The following PCDHGA3 variants were observed in gnomAD, a reference collection of about 807,000 sequenced individuals.
PCDHGA3 encodes the protein protocadherin gamma subfamily A, 3.
In PCDHGA3, 40 loss-of-function variants were observed where a neutral mutation model predicts 58.5. The ratio of observed to expected loss-of-function variants is 0.68; its 90% CI spans 0.53 to 0.89. PCDHGA3 has a LOEUF of 0.89. PCDHGA3 is among the 40% of genes least tolerant of loss of function. PCDHGA3 has a pLI of 0.00. For synonymous variants in PCDHGA3, 530 were observed against 525.7 expected (o/e 1.01, Z -0.11); for missense variants, 1,223 against 1,195.9 (o/e 1.02, Z -0.33).
At position 141,345,009 on chromosome 5, in the gene PCDHGA3, GGTCTT is replaced by G. The variant is rs765126062; in HGVS notation, c.977_981del (p.Gly326AlafsTer15). On this transcript the variant is annotated frameshift_variant, in exon 1 of 4. Transcript: ENST00000253812. LOFTEE classifies it high-confidence loss of function. ...TAAAATTGAAGCACAGGATGGACCA[GGTCTT>G]CTTTCAAGAGCCAAGATTCTAGTCA... 2 of 1,613,978 alleles carry G rather than the reference GGTCTT, an allele frequency of 1.2e-6. No individual in the cohort carries two copies. Among genetic ancestry groups the G allele is most frequent in the Non-Finnish European group, 8.5e-7 (1 of 1,179,880 alleles).
At chr5:141,430,986 C>G (rs549700048) in intron 1 of PCDHGA3, 1 of 1,613,762 alleles carries the variant, frequency 6.2e-7, no homozygotes, top group African/African-American at 1.3e-5. Context: ...CAGCTTTTCG[C>G]CCTGAATCCG....
chr5:141,405,005 G>C (rs1358521218), intron 1 of PCDHGA3: 7 of 1,613,830 alleles, frequency 4.3e-6, no homozygotes, highest in African/African-American at 2.7e-5. Context: ...TGCAGACCTG[G>C]AGGCCTCAGA....
intron 1 of PCDHGA3, chr5:141,428,680 G>T: frequency 6.1e-6 from 1 of 162,778 alleles, no homozygotes; most frequent in Admixed American, 5.8e-5. Context: ...ATTTACAAAT[G>T]GATGAGGTTT....
intron 1 of PCDHGA3, chr5:141,361,816 C>T (rs770591894): frequency 1.9e-6 from 3 of 1,613,084 alleles, no homozygotes; most frequent in Admixed American, 3.3e-5. Flanking sequence ...CAATGCGCCA[C>T]GGGTGCTGTA....
chr5:141,477,775 G>T lies in PCDHGA3; in HGVS notation c.2425-17032G>T. 2 of 1,614,046 alleles carry T rather than the reference G, an allele frequency of 1.2e-6. No individual in the cohort carries two copies. The highest frequency in any genetic ancestry group is 2.7e-5 in the African/African-American group (2 of 75,052). On this transcript the variant is annotated intron_variant, in intron 1 of 3. Transcript: ENST00000253812. The surrounding 1 kb of genome is among the most constrained non-coding windows in gnomAD (Gnocchi z 4.9). ...CGGTCCTAGCCACCAACATCAGCGT[G>T]AACATATTTGTCACTGATCGCAATG...
chr5:141,461,845 C>CA (rs2099025049), intron 1 of PCDHGA3, among the ~76,000 whole-genome samples: 1 of 151,000 alleles, frequency 6.6e-6, no homozygotes. Context: ...TTTTTTGAGA[C>CA]AGAGTTTTGC....
chr5:141,402,843 G>C (rs1370040306), intron 1 of PCDHGA3: 5 of 1,399,114 alleles, frequency 3.6e-6, no homozygotes, highest in Non-Finnish European at 4.7e-6. Flanking sequence ...GCAAAACTCA[G>C]CCTCTTTCTT....
intron 1 of PCDHGA3, among the ~76,000 whole-genome samples, chr5:141,449,240 G>A (rs535847654): frequency 6.6e-6 from 1 of 152,186 alleles, no homozygotes; most frequent in Non-Finnish European, 1.5e-5. Context: ...ATTTTCAAAG[G>A]AGTTGCAAGA....
intron 1 of PCDHGA3, chr5:141,361,475 A>G (rs1561523767): frequency 6.2e-7 from 1 of 1,614,020 alleles, no homozygotes; most frequent in Non-Finnish European, 8.5e-7. Context: ...GACGTCAACG[A>G]TAATGCCCCA....
intron 1 of PCDHGA3, chr5:141,404,086 G>A: frequency 6.2e-7 from 1 of 1,613,630 alleles, no homozygotes; most frequent in Non-Finnish European, 8.5e-7. Flanking sequence ...ACTCCGGGAA[G>A]AATGGTCAAG....
At chr5:141,467,704 C>T (rs2099149502) in intron 1 of PCDHGA3, among the ~76,000 whole-genome samples, 2 of 152,174 alleles carry the variant, frequency 1.3e-5, no homozygotes. Flanking sequence ...CTCTGTTGCC[C>T]AGGCTGGAGT....
intron 1 of PCDHGA3, among the ~76,000 whole-genome samples, chr5:141,488,938 A>T (rs1195859645): frequency 6.6e-6 from 1 of 152,154 alleles, no homozygotes; most frequent in East Asian, 1.9e-4. Context: ...AGGAAACTCC[A>T]TAATTGGTTG....
chr5:141,494,899 C>T, intron 2 of PCDHGA3, 34 bp downstream of exon 2: 1 of 1,614,116 alleles, frequency 6.2e-7, no homozygotes, highest in Non-Finnish European at 8.5e-7. Context: ...ACCCTCTTCT[C>T]TGCGGCATTT....
intron 1 of PCDHGA3, among the ~76,000 whole-genome samples, chr5:141,348,721 GGGA>G (rs1385553488): frequency 5.9e-5 from 9 of 152,260 alleles, no homozygotes; most frequent in South Asian, 4.1e-4. Flanking sequence ...ACAACAGAAA[GGGA>G]GGAGAAGTTC....
chr5:141,501,618 T>G (rs1307485559), intron 2 of PCDHGA3, among the ~76,000 whole-genome samples: 2 of 152,068 alleles, frequency 1.3e-5, no homozygotes, highest in African/African-American at 4.8e-5. Flanking sequence ...GTGACTCTGG[T>G]ATAGTCTCTC....
In PCDHGA3 at chr5:141,415,612, G is replaced by A. The variant is rs745660439; in HGVS notation, c.2424+69155G>A. 12 of 1,612,854 alleles carry A rather than the reference G, an allele frequency of 7.4e-6. No homozygotes were observed. The South Asian group carries it at 1.2e-4, about 16-fold the overall frequency. ...TATAGAGGATACCCCATTGGTTCCA[G>A]TGAGTTTTATTTTCATTTTTACTTT... On this transcript the variant is annotated intron_variant, in intron 1 of 3. Transcript: ENST00000253812.
chr5:141,366,685 T>C (rs1764741162), intron 1 of PCDHGA3: 3 of 1,614,116 alleles, frequency 1.9e-6, no homozygotes, highest in African/African-American at 2.7e-5. Context: ...AAGAGAGCTG[T>C]GAGAAAAGCG....
At chr5:141,510,353 C>T (rs74759939) in intron 3 of PCDHGA3, among the ~76,000 whole-genome samples, 2 of 146,504 alleles carry the variant, frequency 1.4e-5, no homozygotes, top group African/African-American at 5.0e-5. Context: ...CACTTACTAA[C>T]GGAACTACCG....
intron 1 of PCDHGA3, chr5:141,413,769 G>T: frequency 6.2e-7 from 1 of 1,612,870 alleles, no homozygotes; most frequent in Non-Finnish European, 8.5e-7. Flanking sequence ...ACCCGGAGCT[G>T]GTACTGGAGC....
Sources: allele counts gnomAD v4.1 joint callset (sites outside exome capture counted in the v4.1 genomes callset), GRCh38; gene constraint gnomAD v4.1.1; non-coding constraint Gnocchi (gnomAD v3.1); transcripts MANE v1.5; gene names NCBI Gene and HGNC (gene_info 2026-07-23, HGNC 2026-07-21).